CACNB2: variants seen among roughly 807,000 people sequenced by gnomAD.
CACNB2 encodes voltage-dependent L-type calcium channel subunit beta-2.
CACNB2 carries 42 observed loss-of-function variants against 73.3 expected under a neutral mutation model. That is an observed-to-expected ratio of 0.57 (90% CI 0.45 to 0.74). The LOEUF is 0.74. Ranked by LOEUF, CACNB2 falls within the 30% of genes least tolerant of loss-of-function variation. CACNB2 has a pLI of 0.00. For missense variants in CACNB2, 940 were observed against 853.0 expected, an observed-to-expected ratio of 1.10 and a Z score of -1.27; for synonymous variants, 348 against 310.3, an observed-to-expected ratio of 1.12 and a Z score of -1.28.
chr10:18,425,684 A>G (rs2045563946), intron 3 of CACNB2, among the ~76,000 whole-genome samples: 1 of 152,148 alleles, frequency 6.6e-6, no homozygotes, highest in Non-Finnish European at 1.5e-5. Flanking sequence ...AAACAAAACA[A>G]AAAGCAAAAA....
At chr10:18,535,186 G>C (rs1448072619) in intron 11 of CACNB2, among the ~76,000 whole-genome samples, 1 of 152,208 alleles carries the variant, frequency 6.6e-6, no homozygotes, top group African/African-American at 2.4e-5. Context: ...CAGACCAATG[G>C]AATGTCATGG....
At chr10:18,288,410 C>T (rs2038895311) in intron 2 of CACNB2, among the ~76,000 whole-genome samples, 1 of 152,160 alleles carries the variant, frequency 6.6e-6, no homozygotes, top group Non-Finnish European at 1.5e-5. Flanking sequence ...TTTAAGAACT[C>T]TGAAATGTGA....
intron 2 of CACNB2, chr10:18,261,401 G>A (rs2037536323): frequency 6.5e-7 from 1 of 1,542,654 alleles, no homozygotes; most frequent in Admixed American, 2.0e-5. Context: ...TCTTTCAGCT[G>A]TTTTTATTCC....
chr10:18,526,102 C>T (rs11014651), intron 9 of CACNB2, among the ~76,000 whole-genome samples: 20 of 152,222 alleles, frequency 1.3e-4, no homozygotes, highest in African/African-American at 1.9e-4. Context: ...TGCTCATAGG[C>T]GGAGCTTGTC....
At chr10:18,484,558 G>C (rs1353750944) in intron 3 of CACNB2, among the ~76,000 whole-genome samples, 1 of 152,126 alleles carries the variant, frequency 6.6e-6, no homozygotes, top group Non-Finnish European at 1.5e-5. Context: ...CCAACCAAGG[G>C]AAGAAGAGAG....
chr10:18,411,201 C>A (rs943242411), intron 3 of CACNB2, among the ~76,000 whole-genome samples: 1 of 152,040 alleles, frequency 6.6e-6, no homozygotes, highest in Non-Finnish European at 1.5e-5. Flanking sequence ...AATTTCTAGC[C>A]GCATGCGTTT....
At chr10:18,196,619 A>C (rs529331122) in intron 2 of CACNB2, among the ~76,000 whole-genome samples, 8 of 152,286 alleles carry the variant, frequency 5.3e-5, no homozygotes, top group Non-Finnish European at 1.0e-4. Context: ...CACTGGCCAA[A>C]GAAACATTTT....
At chr10:18,186,499 A>C (rs2034159610) in intron 2 of CACNB2, among the ~76,000 whole-genome samples, 1 of 152,154 alleles carries the variant, frequency 6.6e-6, no homozygotes, top group Admixed American at 6.5e-5. Context: ...ACAGTTCCAC[A>C]GGCTGTACAG....
In CACNB2 at chr10:18,369,775, C is replaced by T. The variant is rs183922233; in HGVS notation, c.214-32149C>T. Among the ~76,000 whole-genome samples, 253 of 152,206 alleles carry T rather than the reference C, an allele frequency of 1.7e-3. 1 individual carries two copies. The highest frequency in any genetic ancestry group is 5.8e-3 in the African/African-American group (241 of 41,548). On this transcript the variant is annotated intron_variant, in intron 2 of 13. Transcript: ENST00000324631. ...TACAAAAATTAGCCAGGCGTGGTGG[C>T]ACATACCTGTAGTCCCAGCTACTCA... is the stretch of plus-strand genomic sequence containing the variant.
intron 2 of CACNB2, among the ~76,000 whole-genome samples, chr10:18,165,452 G>A (rs1015851948): frequency 5.3e-5 from 8 of 152,172 alleles, no homozygotes; most frequent in African/African-American, 2.4e-5. Flanking sequence ...ACGATCTATC[G>A]CCCAGGCTGA....
chr10:18,244,614 T>C (rs1024658515), intron 2 of CACNB2, among the ~76,000 whole-genome samples: 2 of 152,214 alleles, frequency 1.3e-5, no homozygotes, highest in African/African-American at 2.4e-5. Context: ...TTGTCAACCT[T>C]ATGTAGGAAG....
intron 1 of CACNB2, among the ~76,000 whole-genome samples, chr10:18,143,392 T>C (rs2030634478): frequency 6.6e-6 from 1 of 152,180 alleles, no homozygotes; most frequent in South Asian, 2.1e-4. Flanking sequence ...GTATCAAACA[T>C]TTCAAAGTTC....
At chr10:18,207,717 G>A (rs1194137582) in intron 2 of CACNB2, among the ~76,000 whole-genome samples, 2 of 152,070 alleles carry the variant, frequency 1.3e-5, no homozygotes, top group East Asian at 1.9e-4. Flanking sequence ...ACATGTACAT[G>A]GGCATGATGT....
intron 6 of CACNB2, among the ~76,000 whole-genome samples, chr10:18,507,247 G>C (rs1037748084): frequency 7.2e-5 from 11 of 152,156 alleles, no homozygotes; most frequent in African/African-American, 2.7e-4. Context: ...GGAACAGAGG[G>C]TAAAGTGAAG....
intron 2 of CACNB2, among the ~76,000 whole-genome samples, chr10:18,388,591 CAGA>C (rs1166303967): frequency 1.3e-5 from 2 of 152,092 alleles, no homozygotes; most frequent in Non-Finnish European, 2.9e-5. Flanking sequence ...CATATCTTTC[CAGA>C]AGGTTAGACT....
At chr10:18,354,077 C>A (rs150788158) in intron 2 of CACNB2, among the ~76,000 whole-genome samples, 121 of 152,244 alleles carry the variant, frequency 7.9e-4, no homozygotes, top group Non-Finnish European at 1.5e-3. Flanking sequence ...AGCTGGGTGA[C>A]ATTGGACAAA....
At position 18,433,455 on chromosome 10, in the gene CACNB2, TGTTATCCAA is replaced by T. The variant is rs1217481319; in HGVS notation, c.333+31414_333+31422del. On this transcript the variant is annotated intron_variant, in intron 3 of 13. Transcript: ENST00000324631. Reference sequence around the variant, plus strand: ...AGAACTCTGTTGATTGTATTGCTGTTGTTATCCAAGACCAAGCACTTAGGAAAAATAGCT... The same window carrying T: ...AGAACTCTGTTGATTGTATTGCTGTTGACCAAGCACTTAGGAAAAATAGCT... Among the ~76,000 whole-genome samples, 18 of 152,340 alleles carry T rather than the reference TGTTATCCAA, an allele frequency of 1.2e-4. No individual in the cohort carries two copies. In the East Asian group the frequency reaches 3.5e-3, roughly 29 times the overall value.
At chr10:18,344,623 C>T (rs1045217655) in intron 2 of CACNB2, among the ~76,000 whole-genome samples, 1 of 152,000 alleles carries the variant, frequency 6.6e-6, no homozygotes, top group African/African-American at 2.4e-5. Context: ...CCACCCACCT[C>T]GGCCTCCCAA....
Position 18,482,646 on chromosome 10 carries a change from G to A in CACNB2, c.334-15709G>A, listed in dbSNP as rs542993046. Among the ~76,000 whole-genome samples the A allele has an allele frequency of 2.0e-4, 31 of 152,182 alleles. No homozygotes were observed. In the South Asian group the frequency reaches 3.9e-3, roughly 19 times the overall value. On this transcript the variant is annotated intron_variant, in intron 3 of 13. Coordinates refer to ENST00000324631, the MANE Select transcript of CACNB2 (RefSeq NM_201596.3). ...CTGCCTCAACCTCCTGGGTAGGTGG[G>A]AGTACTGGTGCCCGCCACCATGCCC...
Sources: allele counts gnomAD v4.1 joint callset (sites outside exome capture counted in the v4.1 genomes callset), GRCh38; gene constraint gnomAD v4.1.1; transcripts MANE v1.5; gene names NCBI Gene and HGNC (gene_info 2026-07-23, HGNC 2026-07-21).